CASTOR2: variants seen among roughly 807,000 people sequenced by gnomAD.
CASTOR2 encodes cytosolic arginine sensor for mTORC1 subunit 2.
A neutral mutation model predicts 31.2 loss-of-function variants in CASTOR2; 8 were observed. The ratio of observed to expected loss-of-function variants is 0.26; its 90% CI spans 0.15 to 0.46. CASTOR2 has a LOEUF of 0.46. Among genes scored for constraint, CASTOR2 ranks in the 20% least tolerant of loss-of-function variants. The pLI, the probability that CASTOR2 is intolerant of heterozygous loss-of-function variation, is 0.99. For synonymous variants in CASTOR2, 162 were observed against 158.7 expected (o/e 1.02, Z -0.16); for missense variants, 216 against 382.1 (o/e 0.57, Z 3.62).
intron 7 of CASTOR2, among the ~76,000 whole-genome samples, chr7:75,023,066 T>C (rs1366721130): frequency 6.6e-6 from 1 of 152,146 alleles, no homozygotes; most frequent in African/African-American, 2.4e-5. Flanking sequence ...CCCAGCACTT[T>C]GGGAGGCCGA....
chr7:75,024,588 T>C, intron 8 of CASTOR2, 46 bp from the exon 9 acceptor site: 2 of 1,550,436 alleles, frequency 1.3e-6, no homozygotes, highest in Non-Finnish European at 1.7e-6. Context: ...GGGAAGCAGG[T>C]TCCTGGGCTC....
chr7:74,977,252 G>A (rs1334436668), intron 1 of CASTOR2, among the ~76,000 whole-genome samples: 1 of 150,970 alleles, frequency 6.6e-6, no homozygotes, highest in Non-Finnish European at 1.5e-5. Context: ...GCACACGGCT[G>A]GAAAGGTTTT....
In CASTOR2 at chr7:75,027,910, C is replaced by T; in HGVS notation, c.*3211C>T. On this transcript the variant is annotated 3_prime_UTR_variant, in exon 9 of 9. Coordinates refer to ENST00000616305, the MANE Select transcript of CASTOR2 (RefSeq NM_001145064.3). Reference sequence around the variant, plus strand: ...TGTCCCCCAGCTATCTCCTGGTCTGCTGGGTGGGAGGGTCTCTCCAGGCCC... The same window carrying T: ...TGTCCCCCAGCTATCTCCTGGTCTGTTGGGTGGGAGGGTCTCTCCAGGCCC... The T allele has an allele frequency of 9.0e-7, 1 of 1,108,738 alleles. No homozygotes were observed. The highest frequency in any genetic ancestry group is 1.3e-6 in the Non-Finnish European group (1 of 760,006). The allele number at this position is 1,108,738 out of a possible 1,614,324, so 68.7% of individuals were successfully genotyped here. A position where few individuals can be genotyped will look rare whatever the true frequency, so the allele number is the denominator to read the frequency against.
intron 1 of CASTOR2, among the ~76,000 whole-genome samples, chr7:75,002,713 C>T (rs1804524491): frequency 1.3e-5 from 2 of 152,112 alleles, no homozygotes; most frequent in Non-Finnish European, 2.9e-5. Context: ...GGAGACAAGA[C>T]AGGAGGGTAG....
chr7:74,985,624 G>T (rs1804045382), intron 1 of CASTOR2, among the ~76,000 whole-genome samples: 1 of 150,778 alleles, frequency 6.6e-6, no homozygotes, highest in Non-Finnish European at 1.5e-5. Context: ...ATTGTGAGGG[G>T]ATCTCAGTTC....
chr7:75,006,213 G>A (rs1282319879), intron 1 of CASTOR2, among the ~76,000 whole-genome samples: 2 of 152,308 alleles, frequency 1.3e-5, no homozygotes, highest in Non-Finnish European at 2.9e-5. Flanking sequence ...GAGCCCAGGC[G>A]TTCAAGGCTT....
chr7:74,982,407 A>G (rs1385843101), intron 1 of CASTOR2, among the ~76,000 whole-genome samples: 2 of 151,804 alleles, frequency 1.3e-5, no homozygotes, highest in African/African-American at 4.9e-5. Context: ...AGGCGAGTGC[A>G]TCTGTAAGGG....
intron 1 of CASTOR2, among the ~76,000 whole-genome samples, chr7:75,006,212 C>T (rs1217185450): frequency 7.2e-5 from 11 of 152,248 alleles, no homozygotes; most frequent in South Asian, 2.1e-4. Flanking sequence ...TGAGCCCAGG[C>T]GTTCAAGGCT....
At chr7:74,994,773 A>ATG (rs1804299913) in intron 1 of CASTOR2, among the ~76,000 whole-genome samples, 5 of 151,852 alleles carry the variant, frequency 3.3e-5, no homozygotes, top group African/African-American at 1.2e-4. Context: ...AGAATCAACC[A>ATG]AGGTGGTTGA....
At chr7:74,976,035 C>A (rs1803801032) in intron 1 of CASTOR2, among the ~76,000 whole-genome samples, 1 of 145,194 alleles carries the variant, frequency 6.9e-6, no homozygotes, top group South Asian at 2.2e-4. Context: ...CCAGCCAATG[C>A]CTTGAACTGC....
intron 4 of CASTOR2, 27 bp from the exon 5 acceptor site, chr7:75,018,945 G>T (rs1804930298): frequency 6.4e-6 from 10 of 1,551,724 alleles, no homozygotes; most frequent in Middle Eastern, 1.7e-4. Flanking sequence ...CCCAGCCTCA[G>T]TGCCTGACAT....
In CASTOR2 at chr7:75,026,770, C is replaced by T. The variant is rs1368977727; in HGVS notation, c.*2071C>T. Among the ~76,000 whole-genome samples the T allele has an allele frequency of 6.6e-6, 1 of 152,036 alleles. No individual in the cohort carries two copies. Among genetic ancestry groups the T allele is most frequent in the Non-Finnish European group, 1.5e-5 (1 of 67,996 alleles). Reference sequence around the variant, plus strand: ...AGTGGGGCAGGGCTGTGGTGGAAGCCCTGAGTCCCCTTTCTGACCTTGCAA... The same window carrying T: ...AGTGGGGCAGGGCTGTGGTGGAAGCTCTGAGTCCCCTTTCTGACCTTGCAA... On this transcript the variant is annotated 3_prime_UTR_variant, in exon 9 of 9. Coordinates refer to ENST00000616305, the MANE Select transcript of CASTOR2 (RefSeq NM_001145064.3).
intron 1 of CASTOR2, among the ~76,000 whole-genome samples, chr7:74,988,621 T>C (rs1219279883): frequency 2.0e-5 from 3 of 152,030 alleles, no homozygotes; most frequent in African/African-American, 7.2e-5. Context: ...TTGGTGGACC[T>C]CAGGCATGCA....
At position 75,029,253 on chromosome 7, in the gene CASTOR2, C is replaced by A. The variant is rs1289595245; in HGVS notation, c.*4554C>A. Among the ~76,000 whole-genome samples the A allele has an allele frequency of 6.6e-6, 1 of 152,192 alleles. No individual in the cohort carries two copies. The highest frequency in any genetic ancestry group is 2.4e-5 in the African/African-American group (1 of 41,454). On this transcript the variant is annotated 3_prime_UTR_variant, in exon 9 of 9. Transcript: ENST00000616305. The stretch of plus-strand genomic sequence containing the variant: ...GGGAGTCCTAAGGCCACCCTGGGCC[C>A]CTTTCTGAGCCTAGAGATCTGGATG...
intron 1 of CASTOR2, among the ~76,000 whole-genome samples, chr7:74,995,324 CA>C (rs1219596983): frequency 6.6e-6 from 1 of 151,680 alleles, no homozygotes; most frequent in Non-Finnish European, 1.5e-5. Context: ...AGGAGTTTGC[CA>C]GGGTGCTGTT....
At chr7:74,991,352 G>A (rs1350916053) in intron 1 of CASTOR2, among the ~76,000 whole-genome samples, 5 of 152,268 alleles carry the variant, frequency 3.3e-5, no homozygotes, top group South Asian at 2.1e-4. Context: ...GACAAGGAGT[G>A]GGCCAAGGTT....
At chr7:75,007,327 G>C (rs1342291479) in intron 1 of CASTOR2, among the ~76,000 whole-genome samples, 1 of 152,098 alleles carries the variant, frequency 6.6e-6, no homozygotes, top group African/African-American at 2.4e-5. Flanking sequence ...TCAGGGTTCT[G>C]GTCCCTGTTT....
rs1335386147 is a variant in CASTOR2 at position 75,027,266 on chromosome 7, C to T, written c.*2567C>T. 2.6e-5 allele frequency: 4 copies of T among 152,468 alleles called. No individual in the cohort carries two copies. The highest frequency in any genetic ancestry group is 4.8e-5 in the African/African-American group (2 of 41,566). 9.4% of individuals were successfully genotyped at this position (152,468 alleles called of 1,614,324 possible). On this transcript the variant is annotated 3_prime_UTR_variant, in exon 9 of 9. Transcript: ENST00000616305. ...GGACGTGGGAAGGGTGCTGAGAGCC[C>T]GCTGTGGCGTGGGTCATGCCTTCTG... is the stretch of plus-strand genomic sequence containing the variant.
At position 74,995,809 on chromosome 7, in the gene CASTOR2, GA is replaced by G. The variant is rs1187160895; in HGVS notation, c.114-12169del. On this transcript the variant is annotated intron_variant, in intron 1 of 8. Transcript: ENST00000616305. Reference sequence around the variant, plus strand: ...GGCAACAGAGCGAGACTCCATCTCAGAAAAAAAAAAAAAAAATTAGCCAGGC... The same window carrying G: ...GGCAACAGAGCGAGACTCCATCTCAGAAAAAAAAAAAAAAATTAGCCAGGC... Among the ~76,000 whole-genome samples the G allele has an allele frequency of 2.9e-3, 381 of 130,902 alleles. 1 individual carries two copies. Among genetic ancestry groups the G allele is most frequent in the Admixed American group, 3.5e-3 (45 of 12,804 alleles). The allele number at this position is 130,902 out of a possible 152,430, so 85.9% of individuals were successfully genotyped here.
Sources: gnomAD v4.1 joint callset for allele counts (sites outside exome capture counted in the v4.1 genomes callset) on GRCh38, gnomAD v4.1.1 for gene constraint, MANE v1.5 for transcripts, NCBI Gene and HGNC (gene_info 2026-07-23, HGNC 2026-07-21) for gene names.